Variants in CEP78 observed in about 807,000 individuals in gnomAD.
CEP78 encodes the protein centrosomal protein of 78 kDa.
In CEP78, 76 loss-of-function variants were observed where a neutral mutation model predicts 81.2. That is an observed-to-expected ratio of 0.94 (90% CI 0.78 to 1.13). CEP78 has a LOEUF of 1.13. Ranked by LOEUF, CEP78 falls within the 50% of genes most tolerant of loss-of-function variation. The pLI is 0.00. For synonymous variants in CEP78, 293 were observed against 301.4 expected (o/e 0.97, Z 0.29); for missense variants, 918 against 846.8 (o/e 1.08, Z -1.04).
intron 5 of CEP78, among the ~76,000 whole-genome samples, chr9:78,245,823 T>C (rs556670488): frequency 1.3e-5 from 2 of 152,352 alleles, no homozygotes; most frequent in African/African-American, 4.8e-5. Context: ...CACACATTCT[T>C]TGGATTCATT....
rs1827680384 is a variant in CEP78 at position 78,271,143 on chromosome 9, T to C, written c.*292T>C. 6.6e-6 allele frequency: 2 copies of C among 302,986 alleles called. No homozygotes were observed. The highest frequency in any genetic ancestry group is 1.2e-5 in the Non-Finnish European group (2 of 166,172). The allele number at this position is 302,986 out of a possible 1,614,324, so 18.8% of individuals were successfully genotyped here. On this transcript the variant is annotated 3_prime_UTR_variant, in exon 17 of 17. Coordinates refer to ENST00000643273, the MANE Select transcript of CEP78 (RefSeq NM_001330691.3). The stretch of plus-strand genomic sequence containing the variant: ...AGGAACTGAAGTTAAGCTGCCCACA[T>C]GATCTCTCTAACTATGATGACCTGC...
chr9:78,236,665 T>C (rs936476107), intron 1 of CEP78, 62 bp downstream of exon 1: 10 of 1,501,284 alleles, frequency 6.7e-6, no homozygotes, highest in African/African-American at 4.2e-5. Flanking sequence ...TTTAGGTGAG[T>C]GGTGTCCATT....
chr9:78,236,209 A>C lies in CEP78; in HGVS notation c.-142A>C. On this transcript the variant is annotated 5_prime_UTR_variant, in exon 1 of 17. Transcript: ENST00000643273. ...GCTCTGGCCTTGCGTCTTCCGACCG[A>C]ATCACCGCTCCTGAGCCCGGTGCGG... The C allele has an allele frequency of 1.4e-6, 1 of 715,478 alleles. No individual in the cohort carries two copies. Among genetic ancestry groups the C allele is most frequent in the Non-Finnish European group, 2.2e-6 (1 of 452,590 alleles). The allele number at this position is 715,478 out of a possible 1,614,324, so 44.3% of individuals were successfully genotyped here.
At chr9:78,240,911 C>T (rs368038092) in intron 3 of CEP78, among the ~76,000 whole-genome samples, 3 of 151,264 alleles carry the variant, frequency 2.0e-5, no homozygotes, top group African/African-American at 4.9e-5. Context: ...TGCAGTGAGC[C>T]AAGATCACAC....
intron 13 of CEP78, among the ~76,000 whole-genome samples, chr9:78,264,841 C>T (rs1827442950): frequency 6.6e-6 from 1 of 152,030 alleles, no homozygotes; most frequent in Non-Finnish European, 1.5e-5. Flanking sequence ...TATTAATCTG[C>T]AGGGTAGATA....
intron 16 of CEP78, among the ~76,000 whole-genome samples, chr9:78,268,286 G>A (rs954742558): frequency 5.9e-5 from 9 of 152,152 alleles, no homozygotes; most frequent in Non-Finnish European, 1.3e-4. Context: ...GTACAGAGCC[G>A]TGAGTGTGAG....
chr9:78,268,517 T>C (rs188892525), intron 16 of CEP78, among the ~76,000 whole-genome samples: 1 of 152,280 alleles, frequency 6.6e-6, no homozygotes, highest in East Asian at 1.9e-4. Context: ...TTTAGGCTGA[T>C]ACATTAAAGA....
intron 5 of CEP78, 35 bp from the exon 6 acceptor site, chr9:78,246,634 G>A: frequency 2.3e-6 from 3 of 1,327,518 alleles, no homozygotes; most frequent in East Asian, 2.4e-5. Context: ...AATCTGTATA[G>A]AATTAGCAAG....
chr9:78,254,291 C>A lies in CEP78; in HGVS notation c.1252-545C>A, dbSNP rs141844895. On this transcript the variant is annotated intron_variant, in intron 10 of 16. Transcript: ENST00000643273. ...CTATGTTGCTCAGGCTGGTCTCGAACTTCTGACCTTAAGCAGTACTCCTGC... is the reference window on the plus strand; with the variant it reads ...CTATGTTGCTCAGGCTGGTCTCGAAATTCTGACCTTAAGCAGTACTCCTGC... 3.0e-3 allele frequency among the ~76,000 whole-genome samples: 454 copies of A among 152,138 alleles called. 2 individuals carry two copies. Among genetic ancestry groups the A allele is most frequent in the Non-Finnish European group, 5.0e-3 (339 of 67,998 alleles).
chr9:78,260,230 A>G (rs1015606581), intron 11 of CEP78, among the ~76,000 whole-genome samples: 2 of 152,222 alleles, frequency 1.3e-5, no homozygotes, highest in African/African-American at 2.4e-5. Context: ...GCTTTGACCT[A>G]AAATTCCTTT....
intron 11 of CEP78, among the ~76,000 whole-genome samples, chr9:78,260,960 T>C (rs1477555468): frequency 6.6e-6 from 1 of 151,944 alleles, no homozygotes; most frequent in African/African-American, 2.4e-5. Context: ...TTTGTTTGTT[T>C]GTTTGTTTTG....
chr9:78,238,868 C>G (rs573898406), intron 1 of CEP78, among the ~76,000 whole-genome samples: 4 of 151,852 alleles, frequency 2.6e-5, no homozygotes, highest in Non-Finnish European at 5.9e-5. Context: ...CCTGTCTCTA[C>G]AAAAAGTAAA....
intron 8 of CEP78, among the ~76,000 whole-genome samples, chr9:78,250,730 C>T: frequency 6.6e-6 from 1 of 152,080 alleles, no homozygotes; most frequent in East Asian, 1.9e-4. Context: ...CAGAGCGAGA[C>T]TCTTGTCTCC....
rs998328145 is a variant in CEP78, at chr9:78,279,256, T to C, written c.*8405T>C. 2.6e-5 allele frequency: 4 copies of C among 152,082 alleles called. No individual in the cohort carries two copies. The highest frequency in any genetic ancestry group is 9.7e-5 in the African/African-American group (4 of 41,422). The allele number at this position is 152,082 out of a possible 1,614,324, so 9.4% of individuals were successfully genotyped here. On this transcript the variant is annotated 3_prime_UTR_variant, in exon 17 of 17. Transcript: ENST00000643273. ...TATCTCCTTAAGAAAACAAGAAAAC[T>C]CCACAAAATCTTGAAAGCTAGATAA...
At chr9:78,257,840 G>A (rs1827109933) in intron 11 of CEP78, among the ~76,000 whole-genome samples, 1 of 152,194 alleles carries the variant, frequency 6.6e-6, no homozygotes, top group Non-Finnish European at 1.5e-5. Context: ...AGCAGGTGCT[G>A]TTAACACTAA....
In CEP78 at chr9:78,277,058, A is replaced by T. The variant is rs1388755316; in HGVS notation, c.*6207A>T. 1 of 152,146 alleles carries T rather than the reference A, an allele frequency of 6.6e-6. No homozygotes were observed. Among genetic ancestry groups the T allele is most frequent in the African/African-American group, 2.4e-5 (1 of 41,450 alleles). The allele number at this position is 152,146 out of a possible 1,614,324, so 9.4% of individuals were successfully genotyped here. A position where few individuals can be genotyped will look rare whatever the true frequency, so the allele number is the denominator to read the frequency against. On this transcript the variant is annotated 3_prime_UTR_variant, in exon 17 of 17. Transcript: ENST00000643273. ...GAGCAATGTATATATATATGTATTT[A>T]AAAAATGGCATCACAAGTCAGTAGA...
At chr9:78,241,162 C>G (rs1275911742) in intron 3 of CEP78, among the ~76,000 whole-genome samples, 2 of 151,978 alleles carry the variant, frequency 1.3e-5, no homozygotes, top group Admixed American at 6.5e-5. Context: ...ATCCTGAAGT[C>G]TTGTGTTCGT....
Position 78,274,689 on chromosome 9 carries a change from A to G in CEP78, c.*3838A>G, listed in dbSNP as rs190375082. The G allele has an allele frequency of 7.2e-5, 11 of 152,332 alleles. No homozygotes were observed. The highest frequency in any genetic ancestry group is 7.2e-4 in the Admixed American group (11 of 15,302). 9.4% of individuals were successfully genotyped at this position (152,332 alleles called of 1,614,324 possible). On this transcript the variant is annotated 3_prime_UTR_variant, in exon 17 of 17. Transcript: ENST00000643273. ...AGATCATACAGATCATGTGCTCTGTATAATGTAATAATAGTAACAAAAGGC... is the reference window on the plus strand; with the variant it reads ...AGATCATACAGATCATGTGCTCTGTGTAATGTAATAATAGTAACAAAAGGC...
Position 78,251,733 on chromosome 9 carries a change from C to T in CEP78, c.1070-175C>T, listed in dbSNP as rs566591831. Among the ~76,000 whole-genome samples the T allele has an allele frequency of 1.6e-3, 236 of 150,664 alleles. 1 individual carries two copies. The highest frequency in any genetic ancestry group is 5.3e-3 in the African/African-American group (217 of 41,230). ...TAAGTATATTAAAAATATATTTATT[C>T]TTATATTTATTACTGGCCTGTGTAA... On this transcript the variant is annotated intron_variant, in intron 8 of 16. Transcript: ENST00000643273.
Sources: gnomAD v4.1 joint callset for allele counts (sites outside exome capture counted in the v4.1 genomes callset) on GRCh38, gnomAD v4.1.1 for gene constraint, MANE v1.5 for transcripts, NCBI Gene and HGNC (gene_info 2026-07-23, HGNC 2026-07-21) for gene names.